Variants in RSRC1 observed in about 807,000 individuals in gnomAD.
RSRC1 encodes serine/Arginine-related protein 53.
A neutral mutation model predicts 49.1 loss-of-function variants in RSRC1; 39 were observed. The observed-to-expected ratio is 0.79, with a 90% confidence interval of 0.61 to 1.04. RSRC1 has a LOEUF of 1.04. Among genes scored for constraint, RSRC1 ranks in the 50% least tolerant of loss-of-function variants. The pLI, the probability that RSRC1 is intolerant of heterozygous loss-of-function variation, is 0.00. For missense variants in RSRC1, 388 were observed against 402.4 expected, an observed-to-expected ratio of 0.96 and a Z score of 0.31; for synonymous variants, 143 against 130.8, an observed-to-expected ratio of 1.09 and a Z score of -0.63.
intron 6 of RSRC1, among the ~76,000 whole-genome samples, chr3:158,400,967 A>C (rs973406127): frequency 6.6e-6 from 1 of 152,034 alleles, no homozygotes; most frequent in Non-Finnish European, 1.5e-5. Flanking sequence ...TCATTTATAC[A>C]ATATTTTAAT....
At chr3:158,300,160 C>G in intron 5 of RSRC1, among the ~76,000 whole-genome samples, 1 of 152,084 alleles carries the variant, frequency 6.6e-6, no homozygotes, top group Non-Finnish European at 1.5e-5. Flanking sequence ...AGAGCCAGGT[C>G]ATATACCTCA....
chr3:158,344,455 A>G (rs1480175354), intron 5 of RSRC1, among the ~76,000 whole-genome samples: 2 of 152,212 alleles, frequency 1.3e-5, no homozygotes, highest in Non-Finnish European at 2.9e-5. Context: ...ACAGTAAAGT[A>G]ACATCATTAA....
intron 3 of RSRC1, among the ~76,000 whole-genome samples, chr3:158,183,438 A>G (rs1183776773): frequency 6.6e-6 from 1 of 151,468 alleles, no homozygotes; most frequent in Non-Finnish European, 1.5e-5. Context: ...TTGATCTTCT[A>G]GTGAATTTAT....
chr3:158,156,428 T>C (rs1717882781), intron 3 of RSRC1, among the ~76,000 whole-genome samples: 1 of 152,230 alleles, frequency 6.6e-6, no homozygotes, highest in South Asian at 2.1e-4. Flanking sequence ...ATCATTTATG[T>C]GTTCACTGGA....
At chr3:158,302,192 T>C (rs1370613061) in intron 5 of RSRC1, among the ~76,000 whole-genome samples, 1 of 152,050 alleles carries the variant, frequency 6.6e-6, no homozygotes, top group Non-Finnish European at 1.5e-5. Flanking sequence ...TGGCAGAAGA[T>C]ATGAGATTCC....
chr3:158,184,111 A>G (rs1719789526), intron 3 of RSRC1, among the ~76,000 whole-genome samples: 1 of 152,080 alleles, frequency 6.6e-6, no homozygotes, highest in Non-Finnish European at 1.5e-5. Context: ...TGCAGGATAA[A>G]GATCCATGGA....
chr3:158,424,094 A>T (rs1578459402), intron 6 of RSRC1, among the ~76,000 whole-genome samples: 1 of 151,996 alleles, frequency 6.6e-6, no homozygotes, highest in Admixed American at 6.6e-5. Flanking sequence ...CCCTGGCCAG[A>T]ACTTCCAACA....
At chr3:158,439,787 C>A (rs1736276518) in intron 6 of RSRC1, among the ~76,000 whole-genome samples, 1 of 152,004 alleles carries the variant, frequency 6.6e-6, no homozygotes, top group Admixed American at 6.6e-5. Flanking sequence ...ACGTTGTGCA[C>A]ATGTACCCTA....
chr3:158,198,126 A>G (rs1013595794), intron 3 of RSRC1, among the ~76,000 whole-genome samples: 1 of 151,986 alleles, frequency 6.6e-6, no homozygotes, highest in African/African-American at 2.4e-5. Context: ...GTGGGAGTCT[A>G]AGTCTCTTTG....
At chr3:158,460,886 T>C in intron 6 of RSRC1, 49 bp from the exon 7 acceptor site, 1 of 1,254,578 alleles carries the variant, frequency 8.0e-7, no homozygotes, top group Non-Finnish European at 1.1e-6. Flanking sequence ...ATTTTCACTT[T>C]GAATATAGGC....
chr3:158,414,776 A>G (rs911373412), intron 6 of RSRC1, among the ~76,000 whole-genome samples: 1 of 152,120 alleles, frequency 6.6e-6, no homozygotes, highest in Non-Finnish European at 1.5e-5. Context: ...AAGGTTAATT[A>G]TATAGAAACA....
intron 6 of RSRC1, among the ~76,000 whole-genome samples, chr3:158,409,615 C>G (rs1734337033): frequency 6.6e-6 from 1 of 152,058 alleles, no homozygotes; most frequent in Non-Finnish European, 1.5e-5. Flanking sequence ...ATAACATGTC[C>G]CCCATCCTAG....
At chr3:158,160,931 AT>A (rs11285476) in intron 3 of RSRC1, among the ~76,000 whole-genome samples, 90,025 of 151,876 alleles carry the variant, frequency 0.59, 26,940 homozygotes, top group East Asian at 0.71. Context: ...AGGTCAAATA[AT>A]TTGCTCTTAC....
chr3:158,215,562 G>A (rs994271886), intron 4 of RSRC1, among the ~76,000 whole-genome samples: 1 of 151,412 alleles, frequency 6.6e-6, no homozygotes, highest in Non-Finnish European at 1.5e-5. Context: ...TTTTATTTCT[G>A]ATTTCCCTTT....
intron 3 of RSRC1, among the ~76,000 whole-genome samples, chr3:158,176,076 T>C (rs936881073): frequency 3.9e-5 from 6 of 152,116 alleles, no homozygotes; most frequent in African/African-American, 1.4e-4. Flanking sequence ...ATAAAATACC[T>C]AGGAATCCAA....
intron 3 of RSRC1, among the ~76,000 whole-genome samples, chr3:158,140,529 T>C (rs1479039149): frequency 6.6e-6 from 1 of 152,206 alleles, no homozygotes. Flanking sequence ...AGCTCTCTTA[T>C]TTTATGAGTG....
rs186655459 is a variant in RSRC1 at position 158,225,265 on chromosome 3, C to T, written c.494+22020C>T. On this transcript the variant is annotated intron_variant, in intron 4 of 9. Transcript: ENST00000611884. ...GGTGAGATTTTGATATTTTAAGTTA[C>T]GTAGTTGTCTAAGTAACTCTTATCT... Among the ~76,000 whole-genome samples the T allele has an allele frequency of 4.1e-4, 63 of 151,860 alleles. No homozygotes were observed. The South Asian group carries it at 6.8e-3, about 17-fold the overall frequency.
intron 5 of RSRC1, among the ~76,000 whole-genome samples, chr3:158,314,170 A>C (rs1002067293): frequency 1.3e-5 from 2 of 152,070 alleles, no homozygotes; most frequent in Admixed American, 1.3e-4. Context: ...AGCTCACCGC[A>C]ATCTCTGCCT....
intron 5 of RSRC1, among the ~76,000 whole-genome samples, chr3:158,306,741 C>T (rs1727859045): frequency 6.6e-6 from 1 of 151,800 alleles, no homozygotes; most frequent in Admixed American, 6.6e-5. Flanking sequence ...GAAATTTTGA[C>T]CCAACTCTTT....
Sources: gnomAD v4.1 joint callset for allele counts (sites outside exome capture counted in the v4.1 genomes callset) on GRCh38, gnomAD v4.1.1 for gene constraint, MANE v1.5 for transcripts, NCBI Gene and HGNC (gene_info 2026-07-23, HGNC 2026-07-21) for gene names.